MYO15A: variants seen among roughly 807,000 people sequenced by gnomAD.
MYO15A encodes the protein unconventional myosin-XV.
Under a neutral mutation model 394.6 loss-of-function variants are expected in MYO15A, and 308 were observed. The ratio of observed to expected loss-of-function variants is 0.78; its 90% CI spans 0.71 to 0.86. The LOEUF (loss-of-function observed/expected upper bound fraction) is 0.86. Ranked by LOEUF, MYO15A falls within the 40% of genes least tolerant of loss-of-function variation. The pLI is 0.00. For synonymous variants in MYO15A, 1,957 were observed against 2,003.8 expected (o/e 0.98, Z 0.62); for missense variants, 4,606 against 4,799.1 (o/e 0.96, Z 1.19).
rs854800 is a variant in MYO15A, at chr17:18,173,861, T to C, written c.10431T>C (p.Tyr3477=). 0.75 allele frequency: 1,202,554 copies of C among 1,613,820 alleles called. 450,805 individuals carry two copies. Among genetic ancestry groups the C allele is most frequent in the African/African-American group, 0.88 (65,738 of 75,048 alleles). Reference sequence around the variant, plus strand: ...CCACGGCCAACTCCAGCTACCCCTATGTGGAGATTGCGCTGGGGGACGTGG... The same window carrying C: ...CCACGGCCAACTCCAGCTACCCCTACGTGGAGATTGCGCTGGGGGACGTGG... ...QRPTANSSYP[Y]VEIALGDVAA... Residue 3477 remains tyrosine, a synonymous_variant, in exon 65 of 66, where the codon TAT becomes TAC. Coordinates refer to ENST00000647165, the MANE Select transcript of MYO15A (RefSeq NM_016239.4).
At chr17:18,159,465 C>T in intron 54 of MYO15A, 118 bp downstream of exon 54, 1 of 1,474,814 alleles carries the variant, frequency 6.8e-7, no homozygotes, top group Non-Finnish European at 9.4e-7. Context: ...CCAGCTCAGA[C>T]ATGGAACACA....
chr17:18,174,784 C>T (rs1422692514), intron 65 of MYO15A, among the ~76,000 whole-genome samples: 2 of 152,194 alleles, frequency 1.3e-5, no homozygotes, highest in Admixed American at 6.5e-5. Context: ...CAGCCTGTAA[C>T]ATCCCCCCTC....
Position 18,118,829 on chromosome 17 carries a change from A to G in MYO15A, c.29A>G (p.Lys10Arg). 6.2e-7 allele frequency: 1 copy of G among 1,610,312 alleles called. No homozygotes were observed. The highest frequency in any genetic ancestry group is 8.5e-7 in the Non-Finnish European group (1 of 1,178,272). MAKEEDEEK[K>R]AKKGKKGKKA... ...GCGAAGGAGGAAGATGAGGAGAAGA[A>G]AGCCAAGAAAGGGAAGAAGGGGAAG... Residue 10 changes from lysine (K) to arginine (R), a missense_variant, in exon 2 of 66, where the codon AAA becomes AGA. Around this residue, in one of 2 missense-constraint regions of MYO15A, gnomAD observed 1,830 missense variants for 1,689.7 expected, o/e 1.08. Coordinates refer to ENST00000647165, the MANE Select transcript of MYO15A (RefSeq NM_016239.4).
intron 18 of MYO15A, 130 bp from the exon 19 acceptor site, chr17:18,139,404 C>T (rs1472339776): frequency 8.9e-7 from 1 of 1,121,442 alleles, no homozygotes; most frequent in Non-Finnish European, 1.3e-6. Flanking sequence ...ATGCTCCCCT[C>T]CCCCAGGAGT....
chr17:18,143,518 C>T (rs996861432), intron 25 of MYO15A, 48 bp from the exon 26 acceptor site: 4 of 1,546,812 alleles, frequency 2.6e-6, no homozygotes, highest in African/African-American at 2.7e-5. Flanking sequence ...GGGTGCCGGT[C>T]GTCACCTCTG....
At chr17:18,135,680 CAA>C (rs1402947528) in intron 12 of MYO15A, 29 bp from the exon 13 acceptor site, 15 of 1,602,370 alleles carry the variant, frequency 9.4e-6, no homozygotes, top group Non-Finnish European at 1.2e-5. Context: ...CTATCTAGTT[CAA>C]AGCACATTCC....
Position 18,150,690 on chromosome 17 carries a change from C to T in MYO15A, c.7328-8C>T. 6.3e-7 allele frequency: 1 copy of T among 1,589,452 alleles called. No individual in the cohort carries two copies. The highest frequency in any genetic ancestry group is 1.1e-5 in the South Asian group (1 of 88,136). On this transcript the variant is annotated splice_polypyrimidine_tract_variant and splice_region_variant and intron_variant, in intron 36 of 65. Transcript: ENST00000647165. This position sits in a 1 kb window ranked among gnomAD's most constrained non-coding sequence, Gnocchi z 4.4. ...GTGCCATCTGTGCCTTCTGCCCCCT[C>T]CCCTCAGTCCCAGGCCTGGATGCCT...
At position 18,148,068 on chromosome 17, in the gene MYO15A, G is replaced by C; in HGVS notation, c.6549G>C (p.Val2183=). ...ATGGGCGGAATGGCTTCCAGGCTGT[G>C]TGTCAGCACCGCCTCATGCAGGCCA... The part of the protein sequence containing the change: ...SDYGRNGFQA[V]CQHRLMQAMG... Residue 2183 remains valine, a synonymous_variant, in exon 31 of 66, where the codon GTG becomes GTC. Transcript: ENST00000647165. This position sits in a 1 kb window ranked among gnomAD's most constrained non-coding sequence, Gnocchi z 4.8. The C allele has an allele frequency of 2.5e-6, 4 of 1,613,922 alleles. No individual in the cohort carries two copies. Among genetic ancestry groups the C allele is most frequent in the Non-Finnish European group, 2.5e-6 (3 of 1,180,046 alleles).
chr17:18,120,664 C>A lies in MYO15A; in HGVS notation c.1864C>A (p.Pro622Thr). 3.2e-6 allele frequency: 5 copies of A among 1,587,002 alleles called. No individual in the cohort carries two copies. The highest frequency in any genetic ancestry group is 4.3e-6 in the Non-Finnish European group (5 of 1,171,518). The change falls in exon 2 of 66, where the codon CCC becomes ACC. Residue 622 changes from proline to threonine, a missense_variant. Transcript: ENST00000647165. The stretch of plus-strand genomic sequence containing the variant: ...GCTGGCTGGCATGGACCCCGAGAAG[C>A]CCGGCACGCCCATCGTGCTGAGGAG... ...YKLAGMDPEKPGTPIVLRRAQ... is the reference protein window; with the variant it reads ...YKLAGMDPEKTGTPIVLRRAQ...
chr17:18,175,292 C>CT lies in MYO15A; in HGVS notation c.10491+1387dup, dbSNP rs1182500584. Among the ~76,000 whole-genome samples, 449 of 91,276 alleles carry CT rather than the reference C, an allele frequency of 4.9e-3. 33 individuals are homozygous for CT. Among genetic ancestry groups the CT allele is most frequent in the African/African-American group, 0.012 (283 of 23,724 alleles). The allele number at this position is 91,276 out of a possible 152,430, so 59.9% of individuals were successfully genotyped here. On this transcript the variant is annotated intron_variant, in intron 65 of 65. Coordinates refer to ENST00000647165, the MANE Select transcript of MYO15A (RefSeq NM_016239.4). ...TCTGGTCTTTCCTCCTCTAGACTATCTTTTTTTTTTTTTTTTGAGGCAAAG... is the reference window on the plus strand; with the variant it reads ...TCTGGTCTTTCCTCCTCTAGACTATCTTTTTTTTTTTTTTTTTGAGGCAAAG...
rs1419182771 is a variant in MYO15A, at chr17:18,121,298, T to C, written c.2498T>C (p.Leu833Pro). Reference sequence around the variant, plus strand: ...GCCCCACGCCGAGCCGCTGGGCGCCTGGGCCCACCCGGCTCGCCGCTGCCG... The same window carrying C: ...GCCCCACGCCGAGCCGCTGGGCGCCCGGGCCCACCCGGCTCGCCGCTGCCG... ...SPAPRRAAGRLGPPGSPLPGS... is the reference protein window; with the variant it reads ...SPAPRRAAGRPGPPGSPLPGS... The change falls in exon 2 of 66, where the codon CTG (leucine) becomes CCG (proline). Residue 833 changes from leucine (L) to proline (P), a missense_variant. Leu to Pro is a moderately conservative substitution (Grantham distance 98). Around this residue, in one of 2 missense-constraint regions of MYO15A, gnomAD observed 1,830 missense variants for 1,689.7 expected, o/e 1.08. Transcript: ENST00000647165. This position sits in a 1 kb window ranked among gnomAD's most constrained non-coding sequence, Gnocchi z 5.3. 2 of 1,334,188 alleles carry C rather than the reference T, an allele frequency of 1.5e-6. No homozygotes were observed. The highest frequency in any genetic ancestry group is 1.9e-6 in the Non-Finnish European group (2 of 1,048,080). The allele number at this position is 1,334,188 out of a possible 1,614,324, so 82.6% of individuals were successfully genotyped here.
intron 40 of MYO15A, 101 bp downstream of exon 40, chr17:18,151,628 C>T (rs557991608): frequency 6.7e-7 from 1 of 1,494,280 alleles, no homozygotes; most frequent in Admixed American, 1.7e-5. Flanking sequence ...TGCCCAGCTC[C>T]TGTTAGGGAG....
chr17:18,156,421 G>A, intron 48 of MYO15A, 85 bp downstream of exon 48: 1 of 1,472,340 alleles, frequency 6.8e-7, no homozygotes, highest in Non-Finnish European at 9.4e-7. Context: ...ATATGACTGT[G>A]TCCATAGATT....
At chr17:18,114,146 A>G (rs1270537363) in intron 1 of MYO15A, among the ~76,000 whole-genome samples, 1 of 150,418 alleles carries the variant, frequency 6.6e-6, no homozygotes, top group Non-Finnish European at 1.5e-5. Context: ...TCAATATATA[A>G]TCCGCACTCC....
chr17:18,121,247 G>A lies in MYO15A; in HGVS notation c.2447G>A (p.Arg816Gln), dbSNP rs1219944687. The A allele has an allele frequency of 1.5e-5, 22 of 1,471,488 alleles. No individual in the cohort carries two copies. The highest frequency in any genetic ancestry group is 2.5e-5 in the South Asian group (2 of 79,074). 91.2% of individuals were successfully genotyped at this position (1,471,488 alleles called of 1,614,324 possible). The part of the protein sequence containing the change: ...FQPPFLPPAR[R>Q]PRSLQESPAP... ...CCGCCCTTCCTGCCCCCGGCCCGCC[G>A]GCCCCGCTCGCTGCAGGAGTCCCCA... The change falls in exon 2 of 66, where the codon CGG (arginine) becomes CAG (glutamine). Residue 816 changes from arginine (R) to glutamine (Q), a missense_variant. By Grantham distance (43) the Arg-to-Gln change is conservative (BLOSUM62 1). Around this residue, in one of 2 missense-constraint regions of MYO15A, gnomAD observed 1,830 missense variants for 1,689.7 expected, o/e 1.08. Coordinates refer to ENST00000647165, the MANE Select transcript of MYO15A (RefSeq NM_016239.4). The surrounding 1 kb of genome is among the most constrained non-coding windows in gnomAD (Gnocchi z 5.3).
intron 56 of MYO15A, among the ~76,000 whole-genome samples, chr17:18,160,428 A>C (rs2046758263): frequency 1.3e-5 from 2 of 152,162 alleles, no homozygotes; most frequent in Admixed American, 1.3e-4. Flanking sequence ...TGTGTTGATC[A>C]TTCCCAAACA....
Position 18,124,543 on chromosome 17 carries a change from G to A in MYO15A, c.3670G>A (p.Val1224Met). 4 of 1,613,234 alleles carry A rather than the reference G, an allele frequency of 2.5e-6. No homozygotes were observed. Among genetic ancestry groups the A allele is most frequent in the Middle Eastern group, 1.7e-4 (1 of 6,060 alleles). ...CCGTGAGCAGCACGGGGAGGATGGT[G>A]TGGAGGACATGACACAGCTGGAGTG... ...RFREQHGEDGVEDMTQLEDLQ... is the reference protein window; with the variant it reads ...RFREQHGEDGMEDMTQLEDLQ... Residue 1224 changes from valine to methionine, a missense_variant, in exon 3 of 66, where the codon GTG becomes ATG. Val to Met is a conservative substitution (Grantham distance 21, BLOSUM62 1). Around this residue, in one of 2 missense-constraint regions of MYO15A, gnomAD observed 2,776 missense variants for 3,109.3 expected, o/e 0.89. Coordinates refer to ENST00000647165, the MANE Select transcript of MYO15A (RefSeq NM_016239.4).
chr17:18,140,788 T>C lies in MYO15A; in HGVS notation c.5362T>C (p.Cys1788Arg). 6.2e-7 allele frequency: 1 copy of C among 1,614,178 alleles called. No individual in the cohort carries two copies. The highest frequency in any genetic ancestry group is 8.5e-7 in the Non-Finnish European group (1 of 1,180,040). Residue 1788 changes from cysteine (C) to arginine (R), a missense_variant and splice_region_variant, in exon 21 of 66, where the codon TGC becomes CGC. Around this residue, in one of 2 missense-constraint regions of MYO15A, gnomAD observed 2,776 missense variants for 3,109.3 expected, o/e 0.89. Transcript: ENST00000647165. ...LLDLVEKMERCNPLFMRCLKP... is the reference protein window; with the variant it reads ...LLDLVEKMERRNPLFMRCLKP... ...CTGTCCTCTTCCTGCCACTGCCAGG[T>C]GCAACCCCTTGTTCATGCGTTGCCT... is the stretch of plus-strand genomic sequence containing the variant.
rs542279887 is a variant in MYO15A, at chr17:18,151,772, T to C, written c.7788-74T>C. The C allele has an allele frequency of 1.3e-5, 19 of 1,415,184 alleles. No individual in the cohort carries two copies. The African/African-American group carries it at 2.7e-4, about 20-fold the overall frequency. 87.7% of individuals were successfully genotyped at this position (1,415,184 alleles called of 1,614,324 possible). On this transcript the variant is annotated intron_variant, in intron 40 of 65. Coordinates refer to ENST00000647165, the MANE Select transcript of MYO15A (RefSeq NM_016239.4). The stretch of plus-strand genomic sequence containing the variant: ...TAGGGGGTGGTGGAGGAGGAGGAAG[T>C]TTCCTACTGTCAAACTATGTGATGG...
Sources: gnomAD v4.1 joint callset for allele counts (sites outside exome capture counted in the v4.1 genomes callset) on GRCh38, gnomAD v4.1.1 for gene constraint, gnomAD v4.1.1 regional missense constraint, Gnocchi (gnomAD v3.1) non-coding constraint, MANE v1.5 for transcripts, NCBI Gene and HGNC (gene_info 2026-07-23, HGNC 2026-07-21) for gene names.